ARK2C: variants seen among roughly 807,000 people sequenced by gnomAD.
ARK2C encodes the protein E3 ubiquitin-protein ligase ARK2C.
chr18:46,369,794 A>G, the ARK2C span, among the ~76,000 whole-genome samples: 29 of 152,174 alleles, frequency 1.9e-4, no homozygotes, highest in African/African-American at 5.8e-4. Context: ...AAGACTTTGC[A>G]TGCGCATTTC....
At chr18:46,407,610 C>CAG in the ARK2C span, among the ~76,000 whole-genome samples, 169 of 152,232 alleles carry the variant, frequency 1.1e-3, no homozygotes, top group African/African-American at 3.8e-3. Flanking sequence ...CCTTCTAATG[C>CAG]AGAGGGTATT....
chr18:46,371,250 G>A, the ARK2C span, among the ~76,000 whole-genome samples: 13 of 152,240 alleles, frequency 8.5e-5, no homozygotes, highest in East Asian at 1.9e-4. Context: ...AATTCAAGAC[G>A]AGATTTGCAT....
chr18:46,379,740 C>T, the ARK2C span, among the ~76,000 whole-genome samples: 65,056 of 152,076 alleles, frequency 0.43, 14,229 homozygotes, highest in Middle Eastern at 0.55. Flanking sequence ...GAATCTAAAG[C>T]GACATGTGAC....
the ARK2C span, among the ~76,000 whole-genome samples, chr18:46,358,334 T>A: frequency 6.6e-6 from 1 of 152,032 alleles, no homozygotes; most frequent in Admixed American, 6.5e-5. Flanking sequence ...CAGGGCCTAG[T>A]GTGAGGAAGT....
At chr18:46,454,162 G>A in the ARK2C span, among the ~76,000 whole-genome samples, 3 of 139,016 alleles carry the variant, frequency 2.2e-5, no homozygotes, top group East Asian at 2.0e-4. Flanking sequence ...TTAATGAAAC[G>A]AGAAGATATA....
the ARK2C span, among the ~76,000 whole-genome samples, chr18:46,422,468 T>C: frequency 1.3e-5 from 2 of 152,248 alleles, no homozygotes; most frequent in Non-Finnish European, 2.9e-5. Context: ...GGGGGCCATG[T>C]TGAGTAGAAC....
At chr18:46,345,886 C>T in the ARK2C span, among the ~76,000 whole-genome samples, 187 of 152,228 alleles carry the variant, frequency 1.2e-3, 1 homozygote, top group African/African-American at 4.5e-3. Flanking sequence ...TTCAGGGTCA[C>T]CCCAAGGCCT....
chr18:46,409,970 G>A, the ARK2C span, among the ~76,000 whole-genome samples: 2 of 152,218 alleles, frequency 1.3e-5, no homozygotes, highest in African/African-American at 4.8e-5. Flanking sequence ...TGGAATTGCA[G>A]TAGACAGGAT....
the ARK2C span, among the ~76,000 whole-genome samples, chr18:46,356,531 T>G: frequency 6.6e-6 from 1 of 152,136 alleles, no homozygotes; most frequent in Non-Finnish European, 1.5e-5. Flanking sequence ...CAGGGGTTGA[T>G]TCTTGCCTCT....
the ARK2C span, among the ~76,000 whole-genome samples, chr18:46,364,656 A>C: frequency 6.6e-6 from 1 of 152,134 alleles, no homozygotes; most frequent in African/African-American, 2.4e-5. Context: ...GGCTGGAGGC[A>C]CCACAGCCTC....
the ARK2C span, among the ~76,000 whole-genome samples, chr18:46,378,366 A>G: frequency 6.6e-6 from 1 of 152,316 alleles, no homozygotes. Flanking sequence ...AGTCAGCACC[A>G]GGGACAGAAT....
chr18:46,345,143 C>T, the ARK2C span, among the ~76,000 whole-genome samples: 298 of 150,132 alleles, frequency 2.0e-3, 1 homozygote, highest in Non-Finnish European at 3.1e-3. Flanking sequence ...CTGCCACCTG[C>T]CACGGAACCA....
the ARK2C span, among the ~76,000 whole-genome samples, chr18:46,437,794 G>A: frequency 6.6e-6 from 1 of 152,194 alleles, no homozygotes; most frequent in Non-Finnish European, 1.5e-5. Flanking sequence ...TGGCTTCTCA[G>A]TTCTAACTCT....
At chr18:46,354,471 A>G in the ARK2C span, among the ~76,000 whole-genome samples, 1 of 152,268 alleles carries the variant, frequency 6.6e-6, no homozygotes, top group African/African-American at 2.4e-5. Flanking sequence ...GCCCAAACCC[A>G]GTAGTGCTGC....
At chr18:46,335,498 C>T in the ARK2C span, 5 of 152,324 alleles carry the variant, frequency 3.3e-5, no homozygotes, top group African/African-American at 1.2e-4. Flanking sequence ...TCTGGACTCA[C>T]ATTTCTCGTC....
the ARK2C span, among the ~76,000 whole-genome samples, chr18:46,346,772 C>T: frequency 6.6e-6 from 1 of 152,206 alleles, no homozygotes; most frequent in Non-Finnish European, 1.5e-5. Flanking sequence ...CCACTTCCCC[C>T]ATGCAAACAC....
chr18:46,433,272 C>G, the ARK2C span: 3 of 1,610,730 alleles, frequency 1.9e-6, no homozygotes, highest in Non-Finnish European at 2.5e-6. Flanking sequence ...CGCAGCAGCT[C>G]GCTCCCGACT....
At chr18:46,418,050 C>T in the ARK2C span, among the ~76,000 whole-genome samples, 1 of 151,270 alleles carries the variant, frequency 6.6e-6, no homozygotes, top group South Asian at 2.1e-4. Flanking sequence ...TTTTTTCTAG[C>T]AGCCACATTA....
chr18:46,377,935 G>T, the ARK2C span, among the ~76,000 whole-genome samples: 5 of 152,136 alleles, frequency 3.3e-5, no homozygotes, highest in Non-Finnish European at 5.9e-5. Flanking sequence ...TTCTGGGGCA[G>T]GAAGGCTGCT....
Sources: allele counts gnomAD v4.1 joint callset (sites outside exome capture counted in the v4.1 genomes callset), GRCh38; gene constraint gnomAD v4.1.1; transcripts MANE v1.5; gene names NCBI Gene and HGNC (gene_info 2026-07-23, HGNC 2026-07-21).